Variants in TMEM71 observed in about 807,000 individuals in gnomAD.
The protein encoded by TMEM71 is transmembrane protein 71.
TMEM71 carries 44 observed loss-of-function variants against 38.0 expected under a neutral mutation model. The observed-to-expected ratio is 1.16, with a 90% CI of 0.91 to 1.49. The LOEUF is 1.49. Among genes scored for constraint, TMEM71 ranks in the 40% most tolerant of loss-of-function variants. TMEM71 has a pLI of 0.00. For missense variants in TMEM71, 367 were observed against 348.6 expected, an observed-to-expected ratio of 1.05 and a Z score of -0.42; for synonymous variants, 133 against 122.5, an observed-to-expected ratio of 1.09 and a Z score of -0.56.
intron 5 of TMEM71, among the ~76,000 whole-genome samples, chr8:132,734,471 C>T (rs904673163): frequency 2.6e-5 from 4 of 152,158 alleles, no homozygotes; most frequent in East Asian, 3.9e-4. Context: ...TAGATGTGGA[C>T]GAGACTGTAA....
chr8:132,757,032 G>C (rs1297749862), intron 3 of TMEM71, among the ~76,000 whole-genome samples: 3 of 150,254 alleles, frequency 2.0e-5, no homozygotes, highest in Admixed American at 1.3e-4. Context: ...GACTGCAGGG[G>C]CCCGCCACCA....
chr8:132,715,523 A>G (rs1164097497), intron 7 of TMEM71, among the ~76,000 whole-genome samples: 3 of 151,894 alleles, frequency 2.0e-5, no homozygotes, highest in Non-Finnish European at 4.4e-5. Flanking sequence ...CAACAGCTTC[A>G]CTTGCTTACA....
intron 7 of TMEM71, among the ~76,000 whole-genome samples, chr8:132,718,245 ACAATGAATAGCATTTTTTAAAATG>A (rs541158795): frequency 1.3e-4 from 20 of 152,276 alleles, no homozygotes; most frequent in Admixed American, 2.0e-4. Flanking sequence ...GTTTAAAAAT[ACAATGAATAGCATTTTTTAAAATG>A]CAATGAATAG....
upstream of TMEM71, among the ~76,000 whole-genome samples, chr8:132,765,531 T>C (rs1315780835): frequency 2.0e-5 from 3 of 152,126 alleles, no homozygotes; most frequent in Admixed American, 6.5e-5. Flanking sequence ...GTGTTCCAGA[T>C]GGTTCTTTGT....
intron 4 of TMEM71, 35 bp downstream of exon 4, chr8:132,751,750 A>G: frequency 6.4e-7 from 1 of 1,564,532 alleles, no homozygotes; most frequent in Non-Finnish European, 8.8e-7. Context: ...GATGGATTGG[A>G]CTTCAGATTT....
rs1459839286 is a variant in TMEM71 at position 132,728,446 on chromosome 8, A to G, written c.488-460T>C. ...TGAGAAAGACCCATCACCATGATTC[A>G]ATACCCTCCCACCAGATCCCTCTCA... On this transcript the variant is annotated intron_variant, in intron 5 of 9. Transcript: ENST00000677595. Among the ~76,000 whole-genome samples, 5 of 152,214 alleles carry G rather than the reference A, an allele frequency of 3.3e-5. No homozygotes were observed. In the South Asian group the frequency reaches 8.3e-4, roughly 25 times the overall value.
intron 5 of TMEM71, among the ~76,000 whole-genome samples, chr8:132,732,507 A>T (rs1827513984): frequency 6.6e-6 from 1 of 152,062 alleles, no homozygotes; most frequent in African/African-American, 2.4e-5. Context: ...CAGAGGTCAC[A>T]TTGTGTGGGG....
chr8:132,741,847 C>T (rs1828057413), intron 5 of TMEM71, among the ~76,000 whole-genome samples: 1 of 152,116 alleles, frequency 6.6e-6, no homozygotes, highest in African/African-American at 2.4e-5. Flanking sequence ...GGTGGAGGAG[C>T]AGAGTCTTCT....
At chr8:132,721,294 A>G (rs1826828006) in intron 7 of TMEM71, among the ~76,000 whole-genome samples, 1 of 152,150 alleles carries the variant, frequency 6.6e-6, no homozygotes, top group Non-Finnish European at 1.5e-5. Context: ...GAACAAACAT[A>G]CCTATAAGAA....
At chr8:132,716,209 T>A (rs1826522271) in intron 7 of TMEM71, among the ~76,000 whole-genome samples, 1 of 152,218 alleles carries the variant, frequency 6.6e-6, no homozygotes, top group Non-Finnish European at 1.5e-5. Flanking sequence ...CCCTGGCCTC[T>A]CCCTGCTCCT....
intron 7 of TMEM71, among the ~76,000 whole-genome samples, chr8:132,717,610 A>G (rs1483888111): frequency 6.6e-6 from 1 of 152,222 alleles, no homozygotes; most frequent in Non-Finnish European, 1.5e-5. Flanking sequence ...GAGGATGAGG[A>G]AAATTTGGAT....
At chr8:132,727,252 T>C (rs1421692801) in intron 6 of TMEM71, among the ~76,000 whole-genome samples, 1 of 151,504 alleles carries the variant, frequency 6.6e-6, no homozygotes, top group Non-Finnish European at 1.5e-5. Context: ...TACAAAATAT[T>C]CTCAGAATTT....
chr8:132,742,534 T>C (rs1453915069), intron 5 of TMEM71, among the ~76,000 whole-genome samples: 1 of 152,234 alleles, frequency 6.6e-6, no homozygotes, highest in Admixed American at 6.5e-5. Context: ...GTTTCAGGCA[T>C]TATACTCAAA....
chr8:132,771,589 T>C, the TMEM71 span, among the ~76,000 whole-genome samples: 548 of 151,466 alleles, frequency 3.6e-3, 3 homozygotes, highest in African/African-American at 0.013. Flanking sequence ...TTCAATATTA[T>C]GTACTTTGTA....
rs560127827 is a variant in TMEM71, at chr8:132,751,709, A to G, written c.314+76T>C. ...ATGGGCTCCTTATAAAAGATAGTTG[A>G]GTGAATAAATGAATGAATAAACAAT... On this transcript the variant is annotated intron_variant, in intron 4 of 9. Transcript: ENST00000677595. 1.5e-5 allele frequency: 21 copies of G among 1,382,176 alleles called. No individual in the cohort carries two copies. The African/African-American group carries it at 2.6e-4, about 17-fold the overall frequency. 85.6% of individuals were successfully genotyped at this position (1,382,176 alleles called of 1,614,324 possible). A position where few individuals can be genotyped will look rare whatever the true frequency, so the allele number is the denominator to read the frequency against.
rs182539449 is a variant in TMEM71 at position 132,760,546 on chromosome 8, C to T, written c.-107G>A. 1 of 152,378 alleles carries T rather than the reference C, an allele frequency of 6.6e-6. No homozygotes were observed. Among genetic ancestry groups the T allele is most frequent in the East Asian group, 1.9e-4 (1 of 5,180 alleles). The allele number at this position is 152,378 out of a possible 1,614,324, so 9.4% of individuals were successfully genotyped here. ...GCAGAGAAGTTTTGTCTTCGGCAGC[C>T]TCTTGTTCTCTTGTCTGTTTCCTGG... On this transcript the variant is annotated 5_prime_UTR_variant, in exon 1 of 10. Transcript: ENST00000677595.
At chr8:132,721,431 T>C (rs1054438142) in intron 7 of TMEM71, among the ~76,000 whole-genome samples, 1 of 152,152 alleles carries the variant, frequency 6.6e-6, no homozygotes, top group African/African-American at 2.4e-5. Context: ...TTAGAGTATA[T>C]CTGTTAACAG....
At chr8:132,723,671 G>A (rs1250713063) in intron 6 of TMEM71, among the ~76,000 whole-genome samples, 1 of 152,130 alleles carries the variant, frequency 6.6e-6, no homozygotes, top group Non-Finnish European at 1.5e-5. Context: ...TGAGAAAATA[G>A]CATTGATTTC....
intron 5 of TMEM71, among the ~76,000 whole-genome samples, chr8:132,729,959 AT>A (rs71930737): frequency 0.16 from 22,795 of 144,172 alleles, 1,807 homozygotes; most frequent in Non-Finnish European, 0.2. Flanking sequence ...TTTCAGTTAA[AT>A]TTTTTTTTTT....
Sources: gnomAD v4.1 joint callset for allele counts (sites outside exome capture counted in the v4.1 genomes callset) on GRCh38, gnomAD v4.1.1 for gene constraint, MANE v1.5 for transcripts, NCBI Gene and HGNC (gene_info 2026-07-23, HGNC 2026-07-21) for gene names.